Variants in PCDHGA1 observed in about 807,000 individuals in gnomAD.
The protein encoded by PCDHGA1 is protocadherin gamma-A1.
In PCDHGA1, 32 loss-of-function variants were observed where a neutral mutation model predicts 58.0. The ratio of observed to expected loss-of-function variants is 0.55; its 90% confidence interval spans 0.42 to 0.74. The LOEUF (loss-of-function observed/expected upper bound fraction) is 0.74. PCDHGA1 is among the 30% of genes least tolerant of loss of function. The pLI is 0.00. For missense variants in PCDHGA1, 1,205 were observed against 1,182.3 expected (o/e 1.02, Z -0.28); for synonymous variants, 498 against 501.1 (o/e 0.99, Z 0.08).
intron 1 of PCDHGA1, chr5:141,371,313 C>T (rs760463851): frequency 6.2e-7 from 1 of 1,613,964 alleles, no homozygotes. Context: ...TATTGGAGAA[C>T]TGGACTTTGA....
chr5:141,462,393 C>A (rs1465154354), intron 1 of PCDHGA1, among the ~76,000 whole-genome samples: 4 of 152,062 alleles, frequency 2.6e-5, no homozygotes, highest in African/African-American at 9.7e-5. Flanking sequence ...GTTAACATTT[C>A]TTTTATGGCA....
At chr5:141,473,501 G>A (rs1053399138) in intron 1 of PCDHGA1, among the ~76,000 whole-genome samples, 2 of 152,188 alleles carry the variant, frequency 1.3e-5, no homozygotes, top group South Asian at 4.1e-4. Context: ...GGTGTTCTGA[G>A]AGAGCATAAC....
chr5:141,394,705 C>T lies in PCDHGA1; in HGVS notation c.2421+61600C>T, dbSNP rs1245348426. 6.2e-7 allele frequency: 1 copy of T among 1,613,256 alleles called. No individual in the cohort carries two copies. The highest frequency in any genetic ancestry group is 1.7e-5 in the Admixed American group (1 of 60,012). ...ACGGGCGAGGTGCGCACGGCGCGAG[C>T]CCTGCTGGACAGAGATGCGCTCAAG... On this transcript the variant is annotated intron_variant, in intron 1 of 3. Coordinates refer to ENST00000517417, the MANE Select transcript of PCDHGA1 (RefSeq NM_018912.3).
chr5:141,367,702 CTTAAGG>C (rs1765297530), intron 1 of PCDHGA1: 1 of 151,984 alleles, frequency 6.6e-6, no homozygotes, highest in Admixed American at 6.6e-5. Flanking sequence ...GTAAAGGAAC[CTTAAGG>C]TTGGGCTTCG....
At chr5:141,375,298 G>A in intron 1 of PCDHGA1, 3 of 1,613,794 alleles carry the variant, frequency 1.9e-6, no homozygotes, top group Non-Finnish European at 1.7e-6. Flanking sequence ...ATCGATTAGT[G>A]ACAAATGCAG....
At position 141,364,431 on chromosome 5, in the gene PCDHGA1, C is replaced by T; in HGVS notation, c.2421+31326C>T. On this transcript the variant is annotated intron_variant, in intron 1 of 3. Coordinates refer to ENST00000517417, the MANE Select transcript of PCDHGA1 (RefSeq NM_018912.3). ...CCAGGATCCGGGCAGATCCGCTACT[C>T]GATGCCGGAGGAGCTGGACAAAGGC... 2.5e-6 allele frequency: 4 copies of T among 1,613,754 alleles called. No individual in the cohort carries two copies. The South Asian group carries it at 3.3e-5, about 13-fold the overall frequency.
At chr5:141,367,492 G>A (rs1260519213) in intron 1 of PCDHGA1, 2 of 152,030 alleles carry the variant, frequency 1.3e-5, no homozygotes, top group African/African-American at 2.4e-5. Context: ...AGCCGAGATC[G>A]CGCCACTGCA....
chr5:141,340,323 C>A, intron 1 of PCDHGA1: 1 of 1,614,136 alleles, frequency 6.2e-7, no homozygotes, highest in Non-Finnish European at 8.5e-7. Flanking sequence ...AACGCACCCG[C>A]CTTCTCCCGC....
At chr5:141,482,457 C>T (rs1279922250) in intron 1 of PCDHGA1, among the ~76,000 whole-genome samples, 3 of 147,484 alleles carry the variant, frequency 2.0e-5, no homozygotes, top group Non-Finnish European at 3.0e-5. Context: ...TATTAGCATC[C>T]CTATGTGCCA....
At chr5:141,368,899 T>A (rs1765918002) in intron 1 of PCDHGA1, among the ~76,000 whole-genome samples, 1 of 152,202 alleles carries the variant, frequency 6.6e-6, no homozygotes, top group Admixed American at 6.5e-5. Context: ...ATTTTTGATG[T>A]TTGTATAAAG....
intron 1 of PCDHGA1, chr5:141,404,341 A>C (rs2094516146): frequency 3.1e-6 from 5 of 1,613,966 alleles, no homozygotes; most frequent in Non-Finnish European, 4.2e-6. Context: ...ACCTCCCGGA[A>C]AACAACGCCA....
chr5:141,458,933 A>G (rs920768063), intron 1 of PCDHGA1, among the ~76,000 whole-genome samples: 3 of 151,912 alleles, frequency 2.0e-5, no homozygotes, highest in Admixed American at 6.6e-5. Flanking sequence ...GGGTCTCACT[A>G]TGTTGCTTAG....
At chr5:141,398,282 C>T in intron 1 of PCDHGA1, 2 of 1,401,814 alleles carry the variant, frequency 1.4e-6, no homozygotes, top group South Asian at 2.6e-5. Context: ...AACCTCGCCA[C>T]GGACCTGGGG....
chr5:141,410,779 T>C, intron 1 of PCDHGA1: 4 of 947,572 alleles, frequency 4.2e-6, no homozygotes, highest in Non-Finnish European at 6.0e-6. Flanking sequence ...TTTCACTATG[T>C]ATTTGGTTCA....
intron 1 of PCDHGA1, chr5:141,344,333 G>A (rs1757404389): frequency 6.2e-7 from 1 of 1,613,868 alleles, no homozygotes; most frequent in African/African-American, 1.3e-5. Context: ...CTCAGATCCC[G>A]CTGTGTCTGG....
intron 1 of PCDHGA1, among the ~76,000 whole-genome samples, chr5:141,459,971 A>G (rs1458539493): frequency 2.6e-5 from 4 of 152,208 alleles, no homozygotes; most frequent in Non-Finnish European, 5.9e-5. Flanking sequence ...CCAGCTACTC[A>G]GGAGGCTGAG....
At chr5:141,360,936 CGACCGG>C (rs1761810016) in intron 1 of PCDHGA1, 1 of 1,613,836 alleles carries the variant, frequency 6.2e-7, no homozygotes, top group African/African-American at 1.3e-5. Context: ...TGACAGCCAC[CGACCGG>C]GATGAAGGCA....
intron 1 of PCDHGA1, among the ~76,000 whole-genome samples, chr5:141,381,826 CTTTTTTTTTTTTTT>C (rs770630741): frequency 1.3e-5 from 1 of 74,284 alleles, no homozygotes; most frequent in Non-Finnish European, 2.4e-5. Context: ...CTTTCTTCTT[CTTTTTTTTTTTTTT>C]TTTTTTTTGG....
chr5:141,483,786 C>T (rs2099587125), intron 1 of PCDHGA1, among the ~76,000 whole-genome samples: 1 of 152,136 alleles, frequency 6.6e-6, no homozygotes, highest in African/African-American at 2.4e-5. Context: ...AGGATAAGAA[C>T]TCCAGTTGTT....
Sources: gnomAD v4.1 joint callset for allele counts (sites outside exome capture counted in the v4.1 genomes callset) on GRCh38, gnomAD v4.1.1 for gene constraint, MANE v1.5 for transcripts, NCBI Gene and HGNC (gene_info 2026-07-23, HGNC 2026-07-21) for gene names.